COBL: variants seen among roughly 807,000 people sequenced by gnomAD.
COBL encodes protein cordon-bleu.
A neutral mutation model predicts 98.8 loss-of-function variants in COBL; 51 were observed. The observed-to-expected ratio is 0.52, with a 90% CI of 0.41 to 0.65. COBL has a LOEUF of 0.65. Ranked by LOEUF, COBL falls within the 30% of genes least tolerant of loss-of-function variation. The pLI is 0.00. For missense variants in COBL, 1,617 were observed against 1,617.5 expected, an observed-to-expected ratio of 1.00 and a Z score of 0.01; for synonymous variants, 634 against 651.7, an observed-to-expected ratio of 0.97 and a Z score of 0.41.
chr7:51,185,976 A>G (rs1443460422), intron 4 of COBL, among the ~76,000 whole-genome samples: 1 of 152,240 alleles, frequency 6.6e-6, no homozygotes, highest in African/African-American at 2.4e-5. Context: ...AGGAGGCTCC[A>G]GTGGAGGCAC....
At chr7:51,055,547 C>G (rs193258644) in intron 7 of COBL, among the ~76,000 whole-genome samples, 2 of 152,160 alleles carry the variant, frequency 1.3e-5, no homozygotes, top group African/African-American at 4.8e-5. Context: ...GCACTTGGCC[C>G]GTGTCAGAAC....
chr7:51,058,970 CT>C (rs1189114675), intron 7 of COBL, among the ~76,000 whole-genome samples: 4 of 152,224 alleles, frequency 2.6e-5, no homozygotes, highest in African/African-American at 9.6e-5. Context: ...CGCTCATGTC[CT>C]CCCATGTCCC....
intron 1 of COBL, among the ~76,000 whole-genome samples, chr7:51,223,707 C>T (rs1793885596): frequency 6.6e-6 from 1 of 152,210 alleles, no homozygotes; most frequent in Non-Finnish European, 1.5e-5. Flanking sequence ...GAACCCATTT[C>T]TGGGTGCTCC....
At chr7:51,205,503 G>GAA (rs542885445) in intron 2 of COBL, among the ~76,000 whole-genome samples, 2 of 140,230 alleles carry the variant, frequency 1.4e-5, no homozygotes, top group Non-Finnish European at 3.1e-5. Flanking sequence ...ACTCTATACA[G>GAA]AAAAAAAAAA....
chr7:51,191,339 A>G (rs1315770377), intron 3 of COBL, among the ~76,000 whole-genome samples: 3 of 152,194 alleles, frequency 2.0e-5, no homozygotes, highest in Non-Finnish European at 4.4e-5. Flanking sequence ...AAGACTCTAC[A>G]TTTAAAATCC....
intron 6 of COBL, among the ~76,000 whole-genome samples, chr7:51,108,209 T>A (rs1200552839): frequency 6.6e-6 from 1 of 152,168 alleles, no homozygotes; most frequent in Admixed American, 6.5e-5. Context: ...CACCCTCTCC[T>A]GACAGCAGCC....
intron 1 of COBL, chr7:51,259,497 A>G: frequency 1.6e-6 from 1 of 627,488 alleles, no homozygotes; most frequent in Non-Finnish European, 2.9e-6. Context: ...CATCTCCTTG[A>G]GGAAACCCAC....
intron 7 of COBL, among the ~76,000 whole-genome samples, chr7:51,048,369 T>C (rs1296198103): frequency 1.3e-5 from 2 of 152,198 alleles, no homozygotes; most frequent in African/African-American, 2.4e-5. Context: ...TTTTAAATTG[T>C]ATTACTGTTT....
At chr7:51,187,329 T>TATACAC (rs1241643826) in intron 4 of COBL, among the ~76,000 whole-genome samples, 1 of 142,404 alleles carries the variant, frequency 7.0e-6, no homozygotes, top group Admixed American at 7.0e-5. Context: ...TATATATATA[T>TATACAC]ATACACACAC....
intron 2 of COBL, among the ~76,000 whole-genome samples, chr7:51,203,968 T>A (rs978673792): frequency 6.6e-6 from 1 of 152,074 alleles, no homozygotes; most frequent in Admixed American, 6.5e-5. Flanking sequence ...GATGCAGAAA[T>A]CCTCAATAAA....
chr7:51,078,209 A>G (rs1449918297), intron 7 of COBL, among the ~76,000 whole-genome samples: 1 of 152,188 alleles, frequency 6.6e-6, no homozygotes, highest in Admixed American at 6.5e-5. Flanking sequence ...GTATTACTCA[A>G]TTGTAGTCAA....
At position 51,046,139 on chromosome 7, in the gene COBL, C is replaced by T. The variant is rs539899552; in HGVS notation, c.1097-2447G>A. Among the ~76,000 whole-genome samples, 11 of 152,256 alleles carry T rather than the reference C, an allele frequency of 7.2e-5. No individual in the cohort carries two copies. In the East Asian group the frequency reaches 1.5e-3, roughly 21 times the overall value. ...GCACAGGAATTGAAAAGACAACTGT[C>T]TAAATGCTGGGAGGAGAGGGAACAT... On this transcript the variant is annotated intron_variant, in intron 7 of 12. Coordinates refer to ENST00000265136, the MANE Select transcript of COBL (RefSeq NM_015198.5).
Position 51,028,975 on chromosome 7 carries a change from C to T in COBL, c.2121G>A (p.Thr707=), listed in dbSNP as rs143532398. The T allele has an allele frequency of 2.6e-5, 42 of 1,614,026 alleles. No homozygotes were observed. The highest frequency in any genetic ancestry group is 1.6e-4 in the East Asian group (7 of 44,874). The part of the protein sequence containing the change: ...KSYRLKHGLT[T]YKIIPPKSEM... The stretch of plus-strand genomic sequence containing the variant: ...CTGACTTTGGAGGAATGATTTTATA[C>T]GTTGTGAGGCCGTGCTTAAGTCTGT... The change falls in exon 10 of 13, where the codon ACG becomes ACA. Residue 707 remains threonine, a synonymous_variant. Coordinates refer to ENST00000265136, the MANE Select transcript of COBL (RefSeq NM_015198.5).
At chr7:51,084,322 G>C (rs1038827407) in intron 7 of COBL, among the ~76,000 whole-genome samples, 2 of 152,040 alleles carry the variant, frequency 1.3e-5, no homozygotes, top group East Asian at 3.9e-4. Flanking sequence ...TGGGTTAAAG[G>C]GCATGGTGAG....
chr7:51,221,796 C>A (rs1312139050), intron 1 of COBL, among the ~76,000 whole-genome samples: 1 of 152,142 alleles, frequency 6.6e-6, no homozygotes, highest in African/African-American at 2.4e-5. Context: ...TGAAAGAGGT[C>A]ATTTAAAACG....
chr7:51,172,767 T>C (rs1788004223), intron 5 of COBL, among the ~76,000 whole-genome samples: 1 of 152,172 alleles, frequency 6.6e-6, no homozygotes, highest in Admixed American at 6.5e-5. Context: ...TTTTCTTTCT[T>C]TCTTTTTTTC....
chr7:51,144,367 G>A (rs1355304523), intron 5 of COBL, among the ~76,000 whole-genome samples: 2 of 152,172 alleles, frequency 1.3e-5, no homozygotes, highest in African/African-American at 2.4e-5. Context: ...GGAAGTGGTG[G>A]AGCCAGACAG....
chr7:51,246,175 A>C (rs887333571), intron 1 of COBL, among the ~76,000 whole-genome samples: 1 of 152,202 alleles, frequency 6.6e-6, no homozygotes, highest in Non-Finnish European at 1.5e-5. Context: ...CAGAAAAGCA[A>C]GTATGTAAGT....
At chr7:51,091,384 A>G (rs1794797695) in intron 6 of COBL, among the ~76,000 whole-genome samples, 1 of 152,360 alleles carries the variant, frequency 6.6e-6, no homozygotes, top group Middle Eastern at 3.4e-3. Context: ...TAACCGAACT[A>G]AAAAGTTCAC....
Sources: allele counts gnomAD v4.1 joint callset (sites outside exome capture counted in the v4.1 genomes callset), GRCh38; gene constraint gnomAD v4.1.1; transcripts MANE v1.5; gene names NCBI Gene and HGNC (gene_info 2026-07-23, HGNC 2026-07-21).